The following HMCN1 variants were observed in gnomAD, a reference collection of about 807,000 sequenced individuals.
HMCN1 encodes the protein hemicentin 1.
HMCN1 carries 321 observed loss-of-function variants against 625.9 expected under a neutral mutation model. That is an observed-to-expected ratio of 0.51 (90% CI 0.47 to 0.56). HMCN1 has a LOEUF of 0.56. HMCN1 is among the 20% of genes least tolerant of loss of function. The probability of loss-of-function intolerance (pLI) is 0.00; values close to 1 mark genes in which losing one functional copy is unlikely to be tolerated. For synonymous variants in HMCN1, 2,425 were observed against 2,417.6 expected, an observed-to-expected ratio of 1.00 and a Z score of -0.09; for missense variants, 6,588 against 6,887.3, an observed-to-expected ratio of 0.96 and a Z score of 1.54.
At chr1:186,158,576 G>A (rs1455873639) in intron 97 of HMCN1, among the ~76,000 whole-genome samples, 16 of 152,072 alleles carry the variant, frequency 1.1e-4, no homozygotes, top group Non-Finnish European at 1.8e-4. Context: ...TAGGTCTAAC[G>A]TTTAAGTCTT....
chr1:186,165,048 G>A (rs1027523857), intron 97 of HMCN1, 63 bp from the exon 98 acceptor site: 2 of 1,420,292 alleles, frequency 1.4e-6, no homozygotes, highest in Non-Finnish European at 2.0e-6. Context: ...AGATGGTACT[G>A]GAAAGAAGCC....
chr1:185,893,427 A>G (rs1381972027), intron 4 of HMCN1, among the ~76,000 whole-genome samples: 1 of 152,258 alleles, frequency 6.6e-6, no homozygotes, highest in East Asian at 1.9e-4. Context: ...TGACTGGCAC[A>G]GAAAATAATG....
At chr1:186,144,471 C>T in intron 90 of HMCN1, 62 bp from the exon 91 acceptor site, 2 of 1,611,700 alleles carry the variant, frequency 1.2e-6, no homozygotes, top group Non-Finnish European at 1.7e-6. Flanking sequence ...TAACAATGCC[C>T]AGAGTGTAAC....
intron 1 of HMCN1, among the ~76,000 whole-genome samples, chr1:185,841,946 C>T (rs537126413): frequency 3.9e-5 from 6 of 152,254 alleles, no homozygotes; most frequent in African/African-American, 1.4e-4. Flanking sequence ...ACCTTGTGAA[C>T]TTGATATATA....
At chr1:185,997,566 A>C (rs531546571) in intron 25 of HMCN1, 42 bp downstream of exon 25, 1 of 1,356,146 alleles carries the variant, frequency 7.4e-7, no homozygotes, top group East Asian at 2.3e-5. Flanking sequence ...ATAATGTTAT[A>C]TGGTTTCAGA....
chr1:185,998,388 A>G (rs1445682029), intron 25 of HMCN1, among the ~76,000 whole-genome samples: 1 of 152,190 alleles, frequency 6.6e-6, no homozygotes, highest in East Asian at 1.9e-4. Flanking sequence ...AGCAGCTGCC[A>G]TGATTACTTT....
At chr1:186,171,542 G>A in intron 101 of HMCN1, 92 bp downstream of exon 101, 1 of 994,502 alleles carries the variant, frequency 1.0e-6, no homozygotes, top group East Asian at 2.4e-5. Context: ...CTTGGTACTG[G>A]TTCCTATATA....
At position 186,128,076 on chromosome 1, in the gene HMCN1, A is replaced by G. The variant is rs1206454784; in HGVS notation, c.12691-2A>G. ...TTTAAATGTTACTTTTTTTAATTTT[A>G]GCTGGAGGATTCTGGCTTCTATACC... On this transcript the variant is annotated splice_acceptor_variant, in intron 82 of 106. Transcript: ENST00000271588. LOFTEE classifies it high-confidence loss of function. 2.5e-6 allele frequency: 4 copies of G among 1,612,710 alleles called. No individual in the cohort carries two copies. The South Asian group carries it at 4.4e-5, about 18-fold the overall frequency.
chr1:186,028,583 A>C (rs572615671), intron 36 of HMCN1, among the ~76,000 whole-genome samples: 1 of 152,264 alleles, frequency 6.6e-6, no homozygotes, highest in South Asian at 2.1e-4. Context: ...AATCCCCCCA[A>C]GAATCAGTGG....
At chr1:185,857,090 T>C (rs1662514251) in intron 2 of HMCN1, among the ~76,000 whole-genome samples, 1 of 152,232 alleles carries the variant, frequency 6.6e-6, no homozygotes, top group East Asian at 1.9e-4. Context: ...TTCATTCTTA[T>C]TTAATCTTGT....
At chr1:185,765,368 C>T (rs756020703) in intron 1 of HMCN1, among the ~76,000 whole-genome samples, 41 of 151,964 alleles carry the variant, frequency 2.7e-4, no homozygotes, top group Admixed American at 3.9e-4. Context: ...AGTGGGAAGC[C>T]AAATTAGACA....
chr1:186,033,275 T>G (rs1467105273), intron 36 of HMCN1, among the ~76,000 whole-genome samples: 1 of 152,098 alleles, frequency 6.6e-6, no homozygotes, highest in Non-Finnish European at 1.5e-5. Flanking sequence ...AATGATATAA[T>G]GCACTTTGGG....
At chr1:185,898,024 T>G (rs1665583687) in intron 4 of HMCN1, among the ~76,000 whole-genome samples, 1 of 152,180 alleles carries the variant, frequency 6.6e-6, no homozygotes. Context: ...ATAGCAAAAC[T>G]GAATTTTTTC....
intron 11 of HMCN1, among the ~76,000 whole-genome samples, chr1:185,942,537 T>A (rs28682454): frequency 1.3e-5 from 2 of 152,228 alleles, no homozygotes; most frequent in Non-Finnish European, 2.9e-5. Context: ...CTAACTTTTT[T>A]AAAATTTTGG....
At position 186,081,198 on chromosome 1, in the gene HMCN1, C is replaced by T; in HGVS notation, c.8600-9C>T. ...CCATTTTTCTCCCTTTGTTGCAATC[C>T]TTTGTTAGTGCCGCCAATTATCAAG... On this transcript the variant is annotated splice_polypyrimidine_tract_variant and intron_variant, in intron 55 of 106. Transcript: ENST00000271588. 6.2e-7 allele frequency: 1 copy of T among 1,611,962 alleles called. No homozygotes were observed. The highest frequency in any genetic ancestry group is 8.5e-7 in the Non-Finnish European group (1 of 1,178,188).
rs1436208137 is a variant in HMCN1 at position 185,888,573 on chromosome 1, C to T, written c.622-20764C>T. Among the ~76,000 whole-genome samples the T allele has an allele frequency of 1.4e-5, 2 of 146,092 alleles. 1 individual carries two copies. Among genetic ancestry groups the T allele is most frequent in the African/African-American group, 5.6e-5 (2 of 35,804 alleles). On this transcript the variant is annotated intron_variant, in intron 4 of 106. Coordinates refer to ENST00000271588, the MANE Select transcript of HMCN1 (RefSeq NM_031935.3). ...CCATTTATTAAAGAGGGAATCCTTT[C>T]CCCATTGCTTGTTTTTCTCAGGTTT...
At chr1:185,809,593 T>A (rs956437587) in intron 1 of HMCN1, among the ~76,000 whole-genome samples, 1 of 151,956 alleles carries the variant, frequency 6.6e-6, no homozygotes, top group Non-Finnish European at 1.5e-5. Context: ...GAAAACAGTA[T>A]TGACAAAAGG....
chr1:185,842,810 C>G (rs1452172591), intron 1 of HMCN1, among the ~76,000 whole-genome samples: 4 of 151,828 alleles, frequency 2.6e-5, no homozygotes, highest in Non-Finnish European at 2.9e-5. Context: ...AATTAAAATT[C>G]TGGACTCCAA....
At chr1:185,823,643 C>T (rs957788651) in intron 1 of HMCN1, among the ~76,000 whole-genome samples, 3 of 152,166 alleles carry the variant, frequency 2.0e-5, no homozygotes, top group African/African-American at 7.2e-5. Flanking sequence ...GTCAGCTCCA[C>T]TGAGCTGTTC....
Sources: gnomAD v4.1 joint callset for allele counts (sites outside exome capture counted in the v4.1 genomes callset) on GRCh38, gnomAD v4.1.1 for gene constraint, MANE v1.5 for transcripts, NCBI Gene and HGNC (gene_info 2026-07-23, HGNC 2026-07-21) for gene names.